Variants in CTNNA2 observed in about 807,000 individuals in gnomAD.
The protein encoded by CTNNA2 is catenin alpha-2.
CTNNA2 carries 42 observed loss-of-function variants against 101.0 expected under a neutral mutation model. The ratio of observed to expected loss-of-function variants is 0.42; its 90% CI spans 0.32 to 0.54. CTNNA2 has a LOEUF of 0.54. Ranked by LOEUF, CTNNA2 falls within the 20% of genes least tolerant of loss-of-function variation. The pLI is 0.14. For missense variants in CTNNA2, 871 were observed against 1,223.1 expected, an observed-to-expected ratio of 0.71 and a Z score of 4.29; for synonymous variants, 450 against 456.4, an observed-to-expected ratio of 0.99 and a Z score of 0.18.
chr2:79,404,173 G>A (rs146960343), intron 4 of CTNNA2, among the ~76,000 whole-genome samples: 312 of 151,838 alleles, frequency 2.1e-3, no homozygotes, highest in African/African-American at 7.2e-3. Flanking sequence ...AGTGTACATT[G>A]GTAACACCAA....
In CTNNA2 at chr2:80,609,103, G is replaced by T. The variant is rs555509252; in HGVS notation, c.2430+785G>T. 3.0e-3 allele frequency among the ~76,000 whole-genome samples: 456 copies of T among 151,818 alleles called. 5 individuals are homozygous for T. The highest frequency in any genetic ancestry group is 0.01 in the African/African-American group (426 of 41,470). ...TTGTTGCAAATTATTTGCAAGTCCA[G>T]AAATGTGGCTCTGACACCTTAGTTC... On this transcript the variant is annotated intron_variant, in intron 17 of 18. Coordinates refer to ENST00000402739, the MANE Select transcript of CTNNA2 (RefSeq NM_001282597.3).
chr2:79,706,342 G>A (rs372832145), intron 2 of CTNNA2, among the ~76,000 whole-genome samples: 8 of 134,626 alleles, frequency 5.9e-5, no homozygotes, highest in East Asian at 2.1e-4. Context: ...CGCCCTGGGC[G>A]ACAGAGCGAG....
At chr2:80,022,654 A>G (rs918443588) in intron 7 of CTNNA2, among the ~76,000 whole-genome samples, 2 of 152,128 alleles carry the variant, frequency 1.3e-5, no homozygotes, top group South Asian at 2.1e-4. Context: ...ACATGGGGGA[A>G]GGAGTGGAAG....
At chr2:80,424,231 G>A (rs1209946769) in intron 9 of CTNNA2, among the ~76,000 whole-genome samples, 3 of 152,178 alleles carry the variant, frequency 2.0e-5, no homozygotes, top group East Asian at 1.9e-4. Flanking sequence ...TGGGATTACA[G>A]GCGTGAGCCA....
At chr2:80,537,128 A>G (rs1452534340) in intron 9 of CTNNA2, among the ~76,000 whole-genome samples, 1 of 149,488 alleles carries the variant, frequency 6.7e-6, no homozygotes, top group East Asian at 2.0e-4. Flanking sequence ...CCCTGTGTCC[A>G]TGTGTTGTCA....
chr2:80,321,986 T>C (rs892991957), intron 7 of CTNNA2, among the ~76,000 whole-genome samples: 2 of 152,038 alleles, frequency 1.3e-5, no homozygotes, highest in Non-Finnish European at 2.9e-5. Context: ...CAGGGTAGAG[T>C]GGTTATTCCT....
intron 12 of CTNNA2, among the ~76,000 whole-genome samples, chr2:80,569,713 G>C (rs1694405243): frequency 7.2e-6 from 1 of 138,126 alleles, no homozygotes; most frequent in South Asian, 2.4e-4. Context: ...CACCACCTCG[G>C]CTCACTGCAA....
At chr2:79,914,948 A>G (rs1686084959) in intron 7 of CTNNA2, among the ~76,000 whole-genome samples, 1 of 151,940 alleles carries the variant, frequency 6.6e-6, no homozygotes, top group African/African-American at 2.4e-5. Flanking sequence ...AGAGAGTAGA[A>G]TTTAACATAA....
chr2:79,824,031 G>T (rs1678225596), intron 3 of CTNNA2, among the ~76,000 whole-genome samples: 2 of 152,076 alleles, frequency 1.3e-5, no homozygotes, highest in Non-Finnish European at 2.9e-5. Flanking sequence ...CTCAAAAGAG[G>T]GAAAGGAAAT....
intron 3 of CTNNA2, among the ~76,000 whole-genome samples, chr2:79,819,039 G>C (rs1677801493): frequency 6.7e-6 from 1 of 148,688 alleles, no homozygotes; most frequent in South Asian, 2.1e-4. Context: ...GAGTGTAGTG[G>C]TATGATCTCG....
chr2:79,388,948 G>A (rs1678137038), intron 4 of CTNNA2, among the ~76,000 whole-genome samples: 1 of 152,030 alleles, frequency 6.6e-6, no homozygotes, highest in Non-Finnish European at 1.5e-5. Context: ...CTTGGCTCTA[G>A]CCAAGGTGAA....
At chr2:79,211,227 G>GTAAT (rs1674167896) in intron 2 of CTNNA2, among the ~76,000 whole-genome samples, 1 of 152,144 alleles carries the variant, frequency 6.6e-6, no homozygotes, top group East Asian at 1.9e-4. Context: ...TTCCCCACCT[G>GTAAT]TAATTGTACT....
intron 7 of CTNNA2, among the ~76,000 whole-genome samples, chr2:80,111,121 G>A (rs1264656755): frequency 6.6e-6 from 1 of 152,018 alleles, no homozygotes; most frequent in East Asian, 1.9e-4. Flanking sequence ...GGAGCATGGG[G>A]GTAACTGCCC....
intron 2 of CTNNA2, among the ~76,000 whole-genome samples, chr2:79,260,724 C>T (rs1272166014): frequency 1.3e-5 from 2 of 152,124 alleles, no homozygotes; most frequent in African/African-American, 4.8e-5. Context: ...TCAGTTTCAT[C>T]ATGGCTTACA....
intron 9 of CTNNA2, among the ~76,000 whole-genome samples, chr2:80,463,975 T>A (rs1572954003): frequency 6.6e-6 from 1 of 152,292 alleles, no homozygotes; most frequent in East Asian, 1.9e-4. Flanking sequence ...CTTTTTCATC[T>A]TCTGCCTCTT....
chr2:79,502,940 T>C (rs974494463), intron 4 of CTNNA2, among the ~76,000 whole-genome samples: 6 of 152,250 alleles, frequency 3.9e-5, no homozygotes, highest in South Asian at 2.1e-4. Context: ...GAAGCAAGTA[T>C]AGAGATTCTG....
intron 7 of CTNNA2, among the ~76,000 whole-genome samples, chr2:80,291,010 G>T (rs1675189568): frequency 6.6e-6 from 1 of 152,188 alleles, no homozygotes; most frequent in African/African-American, 2.4e-5. Context: ...CAATATTTCT[G>T]TCCAAAGCTG....
At chr2:80,064,093 A>G (rs1363163119) in intron 7 of CTNNA2, among the ~76,000 whole-genome samples, 1 of 152,232 alleles carries the variant, frequency 6.6e-6, no homozygotes, top group Non-Finnish European at 1.5e-5. Context: ...AAAACAAAAC[A>G]AAACAAAATT....
intron 2 of CTNNA2, among the ~76,000 whole-genome samples, chr2:79,740,015 T>C (rs753411722): frequency 6.6e-6 from 1 of 152,248 alleles, no homozygotes; most frequent in Non-Finnish European, 1.5e-5. Context: ...CTTTTTTTAA[T>C]TTAACTTTTA....
Sources: allele counts gnomAD v4.1 joint callset (sites outside exome capture counted in the v4.1 genomes callset), GRCh38; gene constraint gnomAD v4.1.1; transcripts MANE v1.5; gene names NCBI Gene and HGNC (gene_info 2026-07-23, HGNC 2026-07-21).